The following FGF14 variants were observed in gnomAD, a reference collection of about 807,000 sequenced individuals.
The protein encoded by FGF14 is fibroblast growth factor homologous factor 4.
Under a neutral mutation model 25.5 loss-of-function variants are expected in FGF14, and 5 were observed. The ratio of observed to expected loss-of-function variants is 0.20; its 90% confidence interval spans 0.10 to 0.41. The LOEUF (loss-of-function observed/expected upper bound fraction) is 0.41, where lower values mean the gene tolerates loss of function less well. Ranked by LOEUF, FGF14 falls within the 10% of genes least tolerant of loss-of-function variation. The probability of loss-of-function intolerance (pLI) is 1.00; values close to 1 mark genes in which losing one functional copy is unlikely to be tolerated. For missense variants in FGF14, 222 were observed against 320.1 expected (o/e 0.69, Z 2.34); for synonymous variants, 138 against 118.3 (o/e 1.17, Z -1.08).
At chr13:101,981,005 G>T (rs1259953887) in intron 1 of FGF14, among the ~76,000 whole-genome samples, 2 of 151,466 alleles carry the variant, frequency 1.3e-5, no homozygotes, top group Non-Finnish European at 1.5e-5. Flanking sequence ...ACTTTGGGAG[G>T]CTGAGGTGGG....
chr13:101,836,309 T>A (rs1315936851), intron 3 of FGF14, among the ~76,000 whole-genome samples: 1 of 151,998 alleles, frequency 6.6e-6, no homozygotes, highest in Non-Finnish European at 1.5e-5. Context: ...CCCTCCAAAA[T>A]AGCAACTAGT....
chr13:101,849,039 T>G (rs2043610390), intron 3 of FGF14, among the ~76,000 whole-genome samples: 1 of 152,078 alleles, frequency 6.6e-6, no homozygotes, highest in African/African-American at 2.4e-5. Context: ...TTTCCTCTCT[T>G]CCTTCCTTGC....
At chr13:102,098,522 T>G (rs1400581189) in intron 1 of FGF14, among the ~76,000 whole-genome samples, 1 of 152,240 alleles carries the variant, frequency 6.6e-6, no homozygotes, top group African/African-American at 2.4e-5. Flanking sequence ...TCTTGCAACT[T>G]TTGTTAAAAT....
At chr13:102,348,840 C>A (rs938769972) in intron 1 of FGF14, among the ~76,000 whole-genome samples, 4 of 152,192 alleles carry the variant, frequency 2.6e-5, no homozygotes, top group African/African-American at 4.8e-5. Context: ...GACCACTTTT[C>A]TTTACCAATC....
intron 1 of FGF14, among the ~76,000 whole-genome samples, chr13:101,975,114 T>C (rs546878993): frequency 6.6e-6 from 1 of 152,238 alleles, no homozygotes; most frequent in East Asian, 1.9e-4. Context: ...TCACATTCCA[T>C]GACGACTGAC....
chr13:102,093,969 A>G (rs565326133), intron 1 of FGF14, among the ~76,000 whole-genome samples: 14 of 150,074 alleles, frequency 9.3e-5, no homozygotes, highest in Admixed American at 8.7e-4. Context: ...CAGAATTGCT[A>G]TAAGAAAGGC....
intron 1 of FGF14, among the ~76,000 whole-genome samples, chr13:101,969,386 T>A (rs537539541): frequency 7.1e-4 from 108 of 152,018 alleles, no homozygotes; most frequent in East Asian, 1.7e-3. Context: ...ACACGGTGAA[T>A]CCCCGTCTCT....
chr13:102,048,005 T>C (rs578145429), intron 1 of FGF14, among the ~76,000 whole-genome samples: 3 of 151,512 alleles, frequency 2.0e-5, no homozygotes, highest in Non-Finnish European at 4.4e-5. Flanking sequence ...CCCGGTTTAT[T>C]ATCTTAGTTG....
chr13:102,394,070 G>A (rs892247248), intron 1 of FGF14, among the ~76,000 whole-genome samples: 1 of 152,208 alleles, frequency 6.6e-6, no homozygotes, highest in Non-Finnish European at 1.5e-5. Context: ...GTAGCCGAGG[G>A]GACTGAAGCC....
At chr13:102,215,843 G>T (rs2050347747) in intron 1 of FGF14, among the ~76,000 whole-genome samples, 1 of 152,144 alleles carries the variant, frequency 6.6e-6, no homozygotes, top group Non-Finnish European at 1.5e-5. Flanking sequence ...ATTATTTTAG[G>T]CACACGTTTC....
At chr13:102,244,474 AAC>A (rs1437373168) in intron 1 of FGF14, among the ~76,000 whole-genome samples, 28 of 151,898 alleles carry the variant, frequency 1.8e-4, no homozygotes, top group Admixed American at 1.8e-3. Context: ...AAAAAAAAAA[AAC>A]TTCCTTAAAA....
At chr13:101,826,822 T>C (rs1052379109) in intron 3 of FGF14, among the ~76,000 whole-genome samples, 1 of 152,004 alleles carries the variant, frequency 6.6e-6, no homozygotes, top group Non-Finnish European at 1.5e-5. Context: ...AATTCTAATG[T>C]ATTGAGAATT....
chr13:101,849,082 C>T (rs560671689), intron 3 of FGF14, among the ~76,000 whole-genome samples: 1 of 152,110 alleles, frequency 6.6e-6, no homozygotes, highest in South Asian at 2.1e-4. Context: ...TAAACTAGGA[C>T]ATTTTTGTAG....
At chr13:102,322,431 G>A (rs1008298779) in intron 1 of FGF14, among the ~76,000 whole-genome samples, 20 of 152,180 alleles carry the variant, frequency 1.3e-4, no homozygotes, top group Admixed American at 2.6e-4. Context: ...AGGCTTTTGG[G>A]GATCCTATAA....
At chr13:102,287,785 G>C (rs568001282) in intron 1 of FGF14, among the ~76,000 whole-genome samples, 22 of 152,126 alleles carry the variant, frequency 1.4e-4, no homozygotes, top group Admixed American at 1.3e-3. Flanking sequence ...GACAACTTTG[G>C]GGGGATAATC....
intron 1 of FGF14, among the ~76,000 whole-genome samples, chr13:102,101,705 A>G (rs2044670643): frequency 6.6e-6 from 1 of 151,214 alleles, no homozygotes; most frequent in African/African-American, 2.4e-5. Flanking sequence ...AGTTCCCCCC[A>G]ACTTTTTTTT....
intron 1 of FGF14, among the ~76,000 whole-genome samples, chr13:102,129,980 A>C (rs1264601563): frequency 1.3e-5 from 2 of 152,188 alleles, no homozygotes; most frequent in African/African-American, 4.8e-5. Context: ...ACAAATCACC[A>C]CAAATGTAGC....
Position 101,864,614 on chromosome 13 carries a change from C to T in FGF14, c.408+4111G>A, listed in dbSNP as rs564450503. On this transcript the variant is annotated intron_variant, in intron 3 of 4. Coordinates refer to ENST00000376143, the MANE Select transcript of FGF14 (RefSeq NM_004115.4). ...CCCTAATATTTGCAAAACATGGTAA[C>T]CTTGAATTTTCCTGGTTTATTTTTA... 3.3e-5 allele frequency among the ~76,000 whole-genome samples: 5 copies of T among 152,104 alleles called. No individual in the cohort carries two copies. The East Asian group carries it at 9.7e-4, about 29-fold the overall frequency.
intron 1 of FGF14, among the ~76,000 whole-genome samples, chr13:102,120,452 C>T (rs1176757060): frequency 6.6e-6 from 1 of 152,168 alleles, no homozygotes; most frequent in Non-Finnish European, 1.5e-5. Context: ...GATTCAAAAG[C>T]TGGGACCCAG....
Sources: gnomAD v4.1 joint callset for allele counts (sites outside exome capture counted in the v4.1 genomes callset) on GRCh38, gnomAD v4.1.1 for gene constraint, MANE v1.5 for transcripts, NCBI Gene and HGNC (gene_info 2026-07-23, HGNC 2026-07-21) for gene names.